KANSL1: variants seen among roughly 807,000 people sequenced by gnomAD.
KANSL1 encodes MLL1/MLL complex subunit KANSL1.
KANSL1 carries 22 observed loss-of-function variants against 103.6 expected under a neutral mutation model. The observed-to-expected ratio is 0.21, with a 90% CI of 0.15 to 0.30. The LOEUF (loss-of-function observed/expected upper bound fraction) is 0.30. KANSL1 is among the 10% of genes least tolerant of loss of function. The probability of loss-of-function intolerance (pLI) is 1.00; values close to 1 mark genes in which losing one functional copy is unlikely to be tolerated. For missense variants in KANSL1, 1,337 were observed against 1,399.8 expected, an observed-to-expected ratio of 0.96 and a Z score of 0.72; for synonymous variants, 600 against 527.6, an observed-to-expected ratio of 1.14 and a Z score of -1.88.
chr17:46,059,809 GC>G (rs568469659), intron 6 of KANSL1, among the ~76,000 whole-genome samples: 99 of 152,096 alleles, frequency 6.5e-4, no homozygotes, highest in African/African-American at 2.3e-3. Flanking sequence ...CTGCCTCCCA[GC>G]TTCAAACCAT....
At chr17:46,086,132 T>C (rs2079153717) in intron 3 of KANSL1, among the ~76,000 whole-genome samples, 1 of 152,222 alleles carries the variant, frequency 6.6e-6, no homozygotes, top group East Asian at 1.9e-4. Context: ...AACAATTAGA[T>C]ATAAAATTAC....
intron 1 of KANSL1, among the ~76,000 whole-genome samples, chr17:46,213,520 G>C (rs933260630): frequency 2.7e-5 from 4 of 148,782 alleles, no homozygotes; most frequent in Non-Finnish European, 5.9e-5. Context: ...ATGTTAGCCA[G>C]GATGGTCTTG....
At chr17:46,031,870 G>T (rs117568760) in intron 14 of KANSL1, 167 bp from the exon 15 acceptor site, 11 of 1,062,714 alleles carry the variant, frequency 1.0e-5, no homozygotes. Context: ...CAACTGTATT[G>T]ATCATTTAGC....
chr17:46,157,238 G>C (rs1274346354), intron 2 of KANSL1, among the ~76,000 whole-genome samples: 2 of 152,154 alleles, frequency 1.3e-5, no homozygotes, highest in Non-Finnish European at 2.9e-5. Context: ...CACTGTTTAA[G>C]TACTACTTAT....
chr17:46,100,453 A>C (rs2042262358), intron 2 of KANSL1, among the ~76,000 whole-genome samples: 1 of 151,920 alleles, frequency 6.6e-6, no homozygotes. Context: ...CCAAAAAAAA[A>C]AAAAAAAAGC....
intron 1 of KANSL1, among the ~76,000 whole-genome samples, chr17:46,210,654 TA>T (rs1000398105): frequency 6.6e-6 from 1 of 152,148 alleles, no homozygotes; most frequent in South Asian, 2.1e-4. Flanking sequence ...TTTAACATTT[TA>T]ATATATTGTA....
At chr17:46,125,079 AG>A (rs1227067727) in intron 2 of KANSL1, among the ~76,000 whole-genome samples, 37 of 17,196 alleles carry the variant, frequency 2.2e-3, no homozygotes, top group Non-Finnish European at 2.6e-3. Context: ...GGAGGGAGGG[AG>A]GGAGAGAGGG....
rs1368781985 is a variant in KANSL1 at position 46,125,577 on chromosome 17, T to C, written c.1290-30876A>G. ...GGTACCACTCCCAAGACCAAAGGGGTGTATGGCTCCTATCTCCAGCCGTAC... is the reference window on the plus strand; with the variant it reads ...GGTACCACTCCCAAGACCAAAGGGGCGTATGGCTCCTATCTCCAGCCGTAC... On this transcript the variant is annotated intron_variant, in intron 2 of 14. Transcript: ENST00000432791. Among the ~76,000 whole-genome samples the C allele has an allele frequency of 2.6e-5, 4 of 152,098 alleles. No individual in the cohort carries two copies. The East Asian group carries it at 7.7e-4, about 29-fold the overall frequency.
Position 46,033,103 on chromosome 17 carries a change from C to T in KANSL1, c.2814G>A (p.Val938=). 6.3e-7 allele frequency: 1 copy of T among 1,595,412 alleles called. No individual in the cohort carries two copies. Among genetic ancestry groups the T allele is most frequent in the Non-Finnish European group, 8.5e-7 (1 of 1,170,476 alleles). ...ACCTGCTGCCCCGCCGCTGGGGTGG[C>T]ACACTCGTGGTCCACAGCCACCGTG... is the stretch of plus-strand genomic sequence containing the variant. The part of the protein sequence containing the change: ...ERARWLWTTS[V]PPQRRGSRSY... Residue 938 remains valine, a synonymous_variant, in exon 13 of 15, where the codon GTG becomes GTA. Coordinates refer to ENST00000432791, the MANE Select transcript of KANSL1 (RefSeq NM_015443.4).
At chr17:46,121,317 C>T (rs2043269951) in intron 2 of KANSL1, 1 of 152,438 alleles carries the variant, frequency 6.6e-6, no homozygotes. Context: ...AACCTGTCTC[C>T]ACCTACCTCA....
At chr17:46,052,184 T>C (rs1598486164) in intron 6 of KANSL1, among the ~76,000 whole-genome samples, 2 of 152,158 alleles carry the variant, frequency 1.3e-5, no homozygotes, top group South Asian at 4.1e-4. Context: ...GATCCAAAAA[T>C]TACACTGAAA....
At chr17:46,197,806 A>ACT (rs4061006), upstream of KANSL1, among the ~76,000 whole-genome samples, 21,957 of 152,210 alleles carry the variant, frequency 0.14, 2,135 homozygotes, top group Non-Finnish European at 0.22. Flanking sequence ...AAGATCTGTA[A>ACT]CTCATCTATA....
At chr17:46,033,837 C>CAACA (rs1285613237) in intron 11 of KANSL1, among the ~76,000 whole-genome samples, 2 of 152,164 alleles carry the variant, frequency 1.3e-5, no homozygotes, top group Non-Finnish European at 2.9e-5. Context: ...AAGCTGGAAA[C>CAACA]AAAGATTTTT....
rs2076978678 is a variant in KANSL1 at position 46,030,504 on chromosome 17, G to T, written c.*972C>A. 1 of 151,968 alleles carries T rather than the reference G, an allele frequency of 6.6e-6. No individual in the cohort carries two copies. 9.4% of individuals were successfully genotyped at this position (151,968 alleles called of 1,614,324 possible). On this transcript the variant is annotated 3_prime_UTR_variant, in exon 15 of 15. Coordinates refer to ENST00000432791, the MANE Select transcript of KANSL1 (RefSeq NM_015443.4). ...AGCTAGGACCAGACAATGTTCCACAGGCAAGGGGAGCGTGAAAGACCAAGA... is the reference window on the plus strand; with the variant it reads ...AGCTAGGACCAGACAATGTTCCACATGCAAGGGGAGCGTGAAAGACCAAGA...
intron 1 of KANSL1, among the ~76,000 whole-genome samples, chr17:46,214,269 T>G (rs1390146639): frequency 6.6e-6 from 1 of 152,234 alleles, no homozygotes; most frequent in Non-Finnish European, 1.5e-5. Flanking sequence ...TGCATGTGAC[T>G]CTCAGCTTTT....
At chr17:46,050,973 C>T (rs1042310685) in intron 6 of KANSL1, among the ~76,000 whole-genome samples, 1 of 152,208 alleles carries the variant, frequency 6.6e-6, no homozygotes, top group Non-Finnish European at 1.5e-5. Context: ...TAAGTGCTTA[C>T]CTAGGTATCA....
intron 1 of KANSL1, among the ~76,000 whole-genome samples, chr17:46,191,943 C>G (rs1001940575): frequency 7.3e-6 from 1 of 136,982 alleles, no homozygotes; most frequent in Admixed American, 8.2e-5. Flanking sequence ...TTCTAACACC[C>G]TCAAGTACAG....
At chr17:46,095,118 G>A (rs912417689) in intron 2 of KANSL1, among the ~76,000 whole-genome samples, 1 of 147,546 alleles carries the variant, frequency 6.8e-6, no homozygotes, top group African/African-American at 2.4e-5. Flanking sequence ...AACTAATAAA[G>A]TAGAAAATAT....
rs575763809 is a variant in KANSL1 at position 46,056,748 on chromosome 17, G to C, written c.1849-6044C>G. On this transcript the variant is annotated intron_variant, in intron 6 of 14. Transcript: ENST00000432791. Reference sequence around the variant, plus strand: ...AGGACTAATAATACCAATTTCATGGGAGTGTAGGAAAGATCAAATGACTCT... The same window carrying C: ...AGGACTAATAATACCAATTTCATGGCAGTGTAGGAAAGATCAAATGACTCT... Among the ~76,000 whole-genome samples the C allele has an allele frequency of 5.0e-4, 76 of 152,322 alleles. 1 individual carries two copies. Among genetic ancestry groups the C allele is most frequent in the African/African-American group, 1.8e-3 (74 of 41,564 alleles).
Sources: gnomAD v4.1 joint callset for allele counts (sites outside exome capture counted in the v4.1 genomes callset) on GRCh38, gnomAD v4.1.1 for gene constraint, MANE v1.5 for transcripts, NCBI Gene and HGNC (gene_info 2026-07-23, HGNC 2026-07-21) for gene names.